Variants in TCAF1 observed in about 807,000 individuals in gnomAD.
TCAF1 encodes TRPM8 channel-associated factor 1.
In TCAF1, 4 loss-of-function variants were observed where a neutral mutation model predicts 27.3. The ratio of observed to expected loss-of-function variants is 0.15; its 90% confidence interval spans 0.07 to 0.34. TCAF1 has a LOEUF of 0.34. TCAF1 is among the 10% of genes least tolerant of loss of function. The probability of loss-of-function intolerance (pLI) is 1.00; values close to 1 mark genes in which losing one functional copy is unlikely to be tolerated. For synonymous variants in TCAF1, 105 were observed against 167.1 expected, an observed-to-expected ratio of 0.63 and a Z score of 2.87; for missense variants, 257 against 425.8, an observed-to-expected ratio of 0.60 and a Z score of 3.49.
chr7:143,892,827 G>C (rs1586797822), intron 1 of TCAF1, among the ~76,000 whole-genome samples: 1 of 152,056 alleles, frequency 6.6e-6, no homozygotes, highest in East Asian at 1.9e-4. Flanking sequence ...TCCCTCTCTT[G>C]GCCATGTGAA....
intron 1 of TCAF1, among the ~76,000 whole-genome samples, chr7:143,890,223 C>T (rs1376088563): frequency 4.0e-5 from 6 of 151,238 alleles, no homozygotes; most frequent in Non-Finnish European, 5.9e-5. Context: ...AGGATGGTCT[C>T]GATTTCCTGA....
At chr7:143,881,296 A>G (rs1175866632) in intron 1 of TCAF1, among the ~76,000 whole-genome samples, 2 of 152,252 alleles carry the variant, frequency 1.3e-5, no homozygotes. Context: ...AGATGAGGGT[A>G]TAAGGGTAAA....
intron 1 of TCAF1, chr7:143,882,366 C>T (rs1813096437): frequency 1.0e-6 from 1 of 985,038 alleles, no homozygotes; most frequent in South Asian, 4.7e-5. Context: ...TGCTCAAGCC[C>T]CGGGCCTTCT....
chr7:143,867,102 TAGTG>T, intron 2 of TCAF1, among the ~76,000 whole-genome samples: 1 of 60,718 alleles, frequency 1.6e-5, no homozygotes, highest in Non-Finnish European at 3.3e-5. Flanking sequence ...TGACTAATGA[TAGTG>T]AGAATCATTT....
chr7:143,892,824 C>T (rs929717467), intron 1 of TCAF1, among the ~76,000 whole-genome samples: 5 of 152,110 alleles, frequency 3.3e-5, no homozygotes, highest in African/African-American at 1.2e-4. Flanking sequence ...AGCTCCCTCT[C>T]TTGGCCATGT....
chr7:143,886,592 A>G (rs1813412726), intron 1 of TCAF1: 2 of 934,640 alleles, frequency 2.1e-6, no homozygotes, highest in Non-Finnish European at 2.6e-6. Flanking sequence ...TTCCTCAAAA[A>G]AACAAACAGC....
chr7:143,857,633 C>A (rs1481481256), intron 7 of TCAF1, among the ~76,000 whole-genome samples: 1 of 152,192 alleles, frequency 6.6e-6, no homozygotes, highest in Non-Finnish European at 1.5e-5. Flanking sequence ...ATATTTTCTA[C>A]CAGTATCATT....
Position 143,876,595 on chromosome 7 carries a change from G to C in TCAF1, c.14C>G (p.Ser5Cys). The C allele has an allele frequency of 6.6e-7, 1 of 1,511,644 alleles. No individual in the cohort carries two copies. The allele number at this position is 1,511,644 out of a possible 1,614,324, so 93.6% of individuals were successfully genotyped here. The change falls in exon 2 of 9, where the codon TCT (serine) becomes TGT (cysteine). Residue 5 changes from serine to cysteine, a missense_variant. Coordinates refer to ENST00000479870, the MANE Select transcript of TCAF1 (RefSeq NM_014719.3). MATP[S>C]AAFEALMNGV... ...ATTCATAAGGGCCTCGAAGGCAGCA[G>C]AGGGAGTCGCCATGGCTCTATTGGT...
chr7:143,876,241 C>T lies in TCAF1; in HGVS notation c.368G>A (p.Gly123Glu), dbSNP rs745456904. The T allele has an allele frequency of 1.2e-6, 2 of 1,614,184 alleles. No homozygotes were observed. The highest frequency in any genetic ancestry group is 1.1e-5 in the South Asian group (1 of 91,088). ...ATTGTAGGCATCAATACAGTAAACC[C>T]CCAGGGAGTCTTTCACTTCTGGCTC... ...KVEPEVKDSL[G>E]VYCIDAYNET... Residue 123 changes from glycine to glutamate, a missense_variant, in exon 2 of 9, where the codon GGG becomes GAG. This residue lies in a region of TCAF1 where 255 missense variants were observed against 260.1 expected (regional missense o/e 0.98). Transcript: ENST00000479870.
intron 1 of TCAF1, chr7:143,884,893 A>G: frequency 5.2e-6 from 3 of 574,032 alleles, no homozygotes; most frequent in Non-Finnish European, 4.4e-6. Context: ...GTTCCTGGAG[A>G]AGAAATGCAG....
chr7:143,876,766 T>C (rs1812741898), intron 1 of TCAF1, 144 bp from the exon 2 acceptor site: 1 of 552,246 alleles, frequency 1.8e-6, no homozygotes, highest in Non-Finnish European at 2.8e-6. Context: ...AAGCACTCGG[T>C]GTTAGTGTCT....
intron 1 of TCAF1, chr7:143,882,643 CCCGCCCTGCCCT>C: frequency 1.3e-6 from 1 of 756,806 alleles, no homozygotes; most frequent in African/African-American, 1.9e-5. Context: ...GCCCCGGCCT[CCCGCCCTGCCCT>C]CCCCCCCGCA....
chr7:143,874,942 G>T (rs953279655), intron 2 of TCAF1, among the ~76,000 whole-genome samples: 2 of 152,186 alleles, frequency 1.3e-5, no homozygotes, highest in Admixed American at 1.3e-4. Context: ...AATGAACAGA[G>T]AGTTTGAACT....
intron 6 of TCAF1, among the ~76,000 whole-genome samples, 194 bp downstream of exon 6, chr7:143,860,014 T>TATATAATATATATATA (rs1811910299): frequency 3.7e-5 from 2 of 53,604 alleles, no homozygotes; most frequent in Non-Finnish European, 7.0e-5. Flanking sequence ...ATATATATAA[T>TATATAATATATATATA]ATATATTATA....
rs1409408077 is a variant in TCAF1 at position 143,859,857 on chromosome 7, T to TTATATACATATATATATATA, written c.2167+350_2167+351insTATATATATATATGTATATA. Among the ~76,000 whole-genome samples the TTATATACATATATATATATA allele has an allele frequency of 6.4e-3, 449 of 70,694 alleles. 47 individuals carry two copies. The highest frequency in any genetic ancestry group is 0.022 in the South Asian group (30 of 1,388). The allele number at this position is 70,694 out of a possible 152,430, so 46.4% of individuals were successfully genotyped here. A position where few individuals can be genotyped will look rare whatever the true frequency, so the allele number is the denominator to read the frequency against. Reference sequence around the variant, plus strand: ...CCTTGACATGCTGACCTAAACTGTTTTATATACACATATACATATATACAT... The same window carrying TTATATACATATATATATATA: ...CCTTGACATGCTGACCTAAACTGTTTTATATACATATATATATATATATATACACATATACATATATACAT... On this transcript the variant is annotated intron_variant, in intron 6 of 8. Coordinates refer to ENST00000479870, the MANE Select transcript of TCAF1 (RefSeq NM_014719.3).
At chr7:143,893,635 A>G (rs1813747625) in intron 1 of TCAF1, among the ~76,000 whole-genome samples, 1 of 151,980 alleles carries the variant, frequency 6.6e-6, no homozygotes, top group African/African-American at 2.4e-5. Context: ...ACGTTTGGAA[A>G]TTAAGGATCA....
intron 1 of TCAF1, among the ~76,000 whole-genome samples, chr7:143,896,032 T>C (rs545776861): frequency 8.6e-5 from 13 of 151,864 alleles, no homozygotes; most frequent in African/African-American, 1.4e-4. Flanking sequence ...GTATTACTAA[T>C]CACAATAAAT....
In TCAF1 at chr7:143,859,982, T is replaced by TATGTAATATATC. The variant is rs1811874329; in HGVS notation, c.2167+225_2167+226insGATATATTACAT. On this transcript the variant is annotated intron_variant, in intron 6 of 8. Coordinates refer to ENST00000479870, the MANE Select transcript of TCAF1 (RefSeq NM_014719.3). ...GGAATATATATTATATAATATATATTATATAATATATATTATATAATATAT... is the reference window on the plus strand; with the variant it reads ...GGAATATATATTATATAATATATATTATGTAATATATCATATAATATATATTATATAATATAT... 1.3e-4 allele frequency among the ~76,000 whole-genome samples: 2 copies of TATGTAATATATC among 15,436 alleles called. 1 individual carries two copies. The highest frequency in any genetic ancestry group is 0.013 in the East Asian group (2 of 160). 10.1% of individuals were successfully genotyped at this position (15,436 alleles called of 152,430 possible).
rs1811834872 is a variant in TCAF1 at position 143,859,930 on chromosome 7, TAA to T, written c.2167+276_2167+277del. ...TATATATTACGGAATATATATTATATAATATATATTATATAATATATATTACG... is the reference window on the plus strand; with the variant it reads ...TATATATTACGGAATATATATTATATTATATATTATATAATATATATTACG... On this transcript the variant is annotated intron_variant, in intron 6 of 8. Transcript: ENST00000479870. 3.5e-5 allele frequency among the ~76,000 whole-genome samples: 2 copies of T among 57,492 alleles called. 1 individual carries two copies. Among genetic ancestry groups the T allele is most frequent in the East Asian group, 8.3e-4 (2 of 2,402 alleles). 37.7% of individuals were successfully genotyped at this position (57,492 alleles called of 152,430 possible). A position where few individuals can be genotyped will look rare whatever the true frequency, so the allele number is the denominator to read the frequency against.
Sources: gnomAD v4.1 joint callset for allele counts (sites outside exome capture counted in the v4.1 genomes callset) on GRCh38, gnomAD v4.1.1 for gene constraint, gnomAD v4.1.1 regional missense constraint, MANE v1.5 for transcripts, NCBI Gene and HGNC (gene_info 2026-07-23, HGNC 2026-07-21) for gene names.